The following GAN variants were observed in gnomAD, a reference collection of about 807,000 sequenced individuals.
GAN encodes gigaxonin.
A neutral mutation model predicts 71.3 loss-of-function variants in GAN; 48 were observed. The observed-to-expected ratio is 0.67, with a 90% confidence interval of 0.53 to 0.86. The LOEUF (loss-of-function observed/expected upper bound fraction) is 0.86, where lower values mean the gene tolerates loss of function less well. Among genes scored for constraint, GAN ranks in the 40% least tolerant of loss-of-function variants. The pLI is 0.00. For synonymous variants in GAN, 386 were observed against 276.8 expected (o/e 1.39, Z -3.92); for missense variants, 928 against 770.1 (o/e 1.21, Z -2.43).
intron 1 of GAN, among the ~76,000 whole-genome samples, chr16:81,323,017 C>T (rs984891187): frequency 2.0e-5 from 3 of 152,204 alleles, no homozygotes; most frequent in Non-Finnish European, 2.9e-5. Context: ...TTGCCATTCT[C>T]CTCTCCATGC....
intron 1 of GAN, among the ~76,000 whole-genome samples, chr16:81,330,017 CAT>C (rs1909519671): frequency 6.6e-6 from 1 of 152,156 alleles, no homozygotes; most frequent in African/African-American, 2.4e-5. Context: ...GCAGAGATAT[CAT>C]CACCTCGCTC....
intron 9 of GAN, chr16:81,372,157 C>G (rs577967154): frequency 6.6e-6 from 1 of 152,214 alleles, no homozygotes; most frequent in African/African-American, 2.4e-5. Context: ...AAGCTTCAGA[C>G]TCAGGGCAGT....
rs750149801 is a variant in GAN, at chr16:81,389,342, A to G, written c.*11746A>G. On this transcript the variant is annotated 3_prime_UTR_variant, in exon 11 of 11. Transcript: ENST00000648994. The stretch of plus-strand genomic sequence containing the variant: ...AATGGTGATACCCTTTGTTTTTTGT[A>G]TCATACCTTTTGTGAATTGTGACAA... 6.6e-6 allele frequency: 1 copy of G among 152,034 alleles called. No individual in the cohort carries two copies. The highest frequency in any genetic ancestry group is 2.1e-4 in the South Asian group (1 of 4,818). 9.4% of individuals were successfully genotyped at this position (152,034 alleles called of 1,614,324 possible).
intron 1 of GAN, among the ~76,000 whole-genome samples, chr16:81,316,717 G>C (rs1173707749): frequency 1.3e-5 from 2 of 152,206 alleles, no homozygotes; most frequent in Non-Finnish European, 2.9e-5. Flanking sequence ...CTTAAAAGAA[G>C]TAAATTGCAA....
rs1904292166 is a variant in GAN, at chr16:81,378,983, A to G, written c.*1387A>G. The G allele has an allele frequency of 1.3e-5, 2 of 152,210 alleles. No individual in the cohort carries two copies. Among genetic ancestry groups the G allele is most frequent in the Non-Finnish European group, 2.9e-5 (2 of 68,022 alleles). The allele number at this position is 152,210 out of a possible 1,614,324, so 9.4% of individuals were successfully genotyped here. A position where few individuals can be genotyped will look rare whatever the true frequency, so the allele number is the denominator to read the frequency against. On this transcript the variant is annotated 3_prime_UTR_variant, in exon 11 of 11. Transcript: ENST00000648994. ...CCTAAATTGAATTTTATGCAATGTC[A>G]AATTTCTAATCAATTTAATATACAG...
At chr16:81,323,191 G>C (rs7202734) in intron 1 of GAN, among the ~76,000 whole-genome samples, 92,101 of 151,938 alleles carry the variant, frequency 0.61, 29,546 homozygotes, top group Middle Eastern at 0.75. Context: ...TAGTATAACA[G>C]ATAAGAGACT....
At chr16:81,361,547 C>T (rs1910672756) in intron 5 of GAN, among the ~76,000 whole-genome samples, 1 of 152,210 alleles carries the variant, frequency 6.6e-6, no homozygotes, top group Non-Finnish European at 1.5e-5. Context: ...CTGTCTTTTT[C>T]ATCCCCAGGA....
chr16:81,375,313 C>T (rs557895988), intron 9 of GAN, among the ~76,000 whole-genome samples: 4 of 131,806 alleles, frequency 3.0e-5, no homozygotes, highest in Non-Finnish European at 6.4e-5. Flanking sequence ...AGTCTTGCTA[C>T]GTCCTTTTTT....
At chr16:81,320,645 GA>G (rs1909193678) in intron 1 of GAN, among the ~76,000 whole-genome samples, 1 of 152,212 alleles carries the variant, frequency 6.6e-6, no homozygotes. Flanking sequence ...TGTAGCCTGT[GA>G]AGTTTCTTAG....
chr16:81,325,746 AGAGAT>A (rs1356244306), intron 1 of GAN, among the ~76,000 whole-genome samples: 1 of 152,222 alleles, frequency 6.6e-6, no homozygotes, highest in African/African-American at 2.4e-5. Context: ...AGAAAAAAGA[AGAGAT>A]AACAGTTTTG....
At chr16:81,368,841 G>T (rs1182810796) in intron 9 of GAN, among the ~76,000 whole-genome samples, 1 of 152,116 alleles carries the variant, frequency 6.6e-6, no homozygotes, top group Non-Finnish European at 1.5e-5. Context: ...AATCAGCCAG[G>T]CATAGTGGCA....
At chr16:81,328,768 GTGT>G (rs1411348991) in intron 1 of GAN, among the ~76,000 whole-genome samples, 1 of 151,620 alleles carries the variant, frequency 6.6e-6, no homozygotes, top group Non-Finnish European at 1.5e-5. Flanking sequence ...GGATTTTAAA[GTGT>G]TGTGTGTTTG....
Position 81,383,877 on chromosome 16 carries a change from T to G in GAN, c.*6281T>G, listed in dbSNP as rs1336048182. 6.6e-6 allele frequency: 1 copy of G among 152,130 alleles called. No individual in the cohort carries two copies. Among genetic ancestry groups the G allele is most frequent in the Non-Finnish European group, 1.5e-5 (1 of 68,022 alleles). The allele number at this position is 152,130 out of a possible 1,614,324, so 9.4% of individuals were successfully genotyped here. On this transcript the variant is annotated 3_prime_UTR_variant, in exon 11 of 11. Coordinates refer to ENST00000648994, the MANE Select transcript of GAN (RefSeq NM_022041.4). ...TTCACATCCCAAACGGAGGTTCATC[T>G]GTCTTCTGGTTGGTGAATTATATTT...
At chr16:81,315,814 A>T (rs985617205) in intron 1 of GAN, among the ~76,000 whole-genome samples, 1 of 152,248 alleles carries the variant, frequency 6.6e-6, no homozygotes, top group Non-Finnish European at 1.5e-5. Context: ...GAGGCCAGAC[A>T]GACAGCGCCT....
rs1377768217 is a variant in GAN, at chr16:81,354,584, A to T, written c.462A>T (p.Thr154=). 6.2e-7 allele frequency: 1 copy of T among 1,614,190 alleles called. No homozygotes were observed. The change falls in exon 3 of 11, where the codon ACA becomes ACT. Residue 154 remains threonine (T), a synonymous_variant. Transcript: ENST00000648994. ...YCLHHVHYLA[T]EYLETHFRDV... ...TCCATCACGTTCATTACCTTGCCACAGAATACCTGGAGACTCATTTCCGAG... is the reference window on the plus strand; with the variant it reads ...TCCATCACGTTCATTACCTTGCCACTGAATACCTGGAGACTCATTTCCGAG...
chr16:81,357,661 A>G (rs1026017316), intron 4 of GAN, 149 bp from the exon 5 acceptor site: 2 of 727,650 alleles, frequency 2.7e-6, no homozygotes, highest in Non-Finnish European at 4.8e-6. Context: ...TCCTAGTTCT[A>G]GATCCCTGAG....
intron 1 of GAN, among the ~76,000 whole-genome samples, chr16:81,337,555 C>T (rs1282033791): frequency 6.6e-6 from 1 of 152,138 alleles, no homozygotes; most frequent in African/African-American, 2.4e-5. Context: ...GGCTTTTAGA[C>T]ACAGTGAACT....
rs1904309906 is a variant in GAN at position 81,382,368 on chromosome 16, A to G, written c.*4772A>G. ...CCCAAACATGTCCTTTGCTAGTTGC[A>G]CAGGCATAAGCTGAAAGATCTTTGA... is the stretch of plus-strand genomic sequence containing the variant. On this transcript the variant is annotated 3_prime_UTR_variant, in exon 11 of 11. Coordinates refer to ENST00000648994, the MANE Select transcript of GAN (RefSeq NM_022041.4). 6.6e-6 allele frequency: 1 copy of G among 152,226 alleles called. No homozygotes were observed. The allele number at this position is 152,226 out of a possible 1,614,324, so 9.4% of individuals were successfully genotyped here. A position where few individuals can be genotyped will look rare whatever the true frequency, so the allele number is the denominator to read the frequency against.
At chr16:81,345,740 A>G (rs1353443304) in intron 1 of GAN, among the ~76,000 whole-genome samples, 1 of 152,084 alleles carries the variant, frequency 6.6e-6, no homozygotes, top group Non-Finnish European at 1.5e-5. Flanking sequence ...AGCTTAAAGT[A>G]TAATAATAAT....
Sources: gnomAD v4.1 joint callset for allele counts (sites outside exome capture counted in the v4.1 genomes callset) on GRCh38, gnomAD v4.1.1 for gene constraint, MANE v1.5 for transcripts, NCBI Gene and HGNC (gene_info 2026-07-23, HGNC 2026-07-21) for gene names.